Variants in EFR3A observed in about 807,000 individuals in gnomAD.
EFR3A encodes the protein protein EFR3 homolog A.
In EFR3A, 76 loss-of-function variants were observed where a neutral mutation model predicts 104.4. That is an observed-to-expected ratio of 0.73 (90% confidence interval 0.60 to 0.88). EFR3A has a LOEUF of 0.88. Among genes scored for constraint, EFR3A ranks in the 40% least tolerant of loss-of-function variants. The probability of loss-of-function intolerance (pLI) is 0.00; values close to 1 mark genes in which losing one functional copy is unlikely to be tolerated. For missense variants in EFR3A, 985 were observed against 1,012.5 expected (o/e 0.97, Z 0.37); for synonymous variants, 330 against 330.0 (o/e 1.00, Z 0.00).
At chr8:131,932,213 G>T (rs1387407114) in intron 1 of EFR3A, among the ~76,000 whole-genome samples, 3 of 151,860 alleles carry the variant, frequency 2.0e-5, no homozygotes, top group East Asian at 3.9e-4. Context: ...TTTTTTATGA[G>T]AATTTTTCTG....
chr8:131,936,358 ACCGAGC>A (rs1817881373), intron 1 of EFR3A, among the ~76,000 whole-genome samples: 1 of 152,106 alleles, frequency 6.6e-6, no homozygotes, highest in Non-Finnish European at 1.5e-5. Flanking sequence ...TTCCCCAAGC[ACCGAGC>A]TAGCAATTCC....
rs1432066748 is a variant in EFR3A at position 131,968,277 on chromosome 8, C to T, written c.856-18C>T. 2 of 1,610,122 alleles carry T rather than the reference C, an allele frequency of 1.2e-6. No individual in the cohort carries two copies. The highest frequency in any genetic ancestry group is 1.7e-6 in the Non-Finnish European group (2 of 1,177,820). ...CATGTACTTTTTATACATCTTTGTA[C>T]TGTTTTGTCTCCTTCAGGCTCAGTA... On this transcript the variant is annotated intron_variant, in intron 8 of 22. Coordinates refer to ENST00000254624, the MANE Select transcript of EFR3A (RefSeq NM_015137.6).
intron 1 of EFR3A, chr8:131,940,066 G>T (rs1818087356): frequency 1.8e-5 from 3 of 168,070 alleles, no homozygotes; most frequent in Admixed American, 1.7e-4. Flanking sequence ...ACTTGGGCAT[G>T]CCCCAGGCAG....
chr8:131,977,368 G>A (rs1338940161), intron 12 of EFR3A, among the ~76,000 whole-genome samples: 1 of 152,118 alleles, frequency 6.6e-6, no homozygotes, highest in African/African-American at 2.4e-5. Context: ...GAGACTGTGA[G>A]TGGAAGGAGT....
In EFR3A at chr8:131,930,800, A is replaced by G. The variant is rs919071331; in HGVS notation, c.11-9699A>G. Among the ~76,000 whole-genome samples, 53 of 151,986 alleles carry G rather than the reference A, an allele frequency of 3.5e-4. 1 individual carries two copies. Among genetic ancestry groups the G allele is most frequent in the Non-Finnish European group, 2.9e-5 (2 of 67,982 alleles). On this transcript the variant is annotated intron_variant, in intron 1 of 22. Coordinates refer to ENST00000254624, the MANE Select transcript of EFR3A (RefSeq NM_015137.6). ...TCCTGTGAAGTCTTTTCTGAATGTC[A>G]TAGCATTCATTATTTTTCTCACTCA...
intron 18 of EFR3A, among the ~76,000 whole-genome samples, chr8:131,993,465 A>G (rs1175367407): frequency 1.3e-5 from 2 of 152,188 alleles, no homozygotes; most frequent in African/African-American, 2.4e-5. Flanking sequence ...AGCATTAGTT[A>G]CAACCATGGA....
intron 1 of EFR3A, among the ~76,000 whole-genome samples, chr8:131,918,522 A>G (rs923138171): frequency 2.0e-5 from 3 of 152,200 alleles, no homozygotes; most frequent in African/African-American, 7.2e-5. Flanking sequence ...ATCCTGTGTT[A>G]TATGTTGCTA....
At chr8:131,919,138 CT>C (rs1240038662) in intron 1 of EFR3A, among the ~76,000 whole-genome samples, 3 of 151,420 alleles carry the variant, frequency 2.0e-5, no homozygotes, top group Admixed American at 6.6e-5. Context: ...CCAAACCTAT[CT>C]TTTTTCCCCC....
At chr8:132,001,058 A>C (rs904873857) in intron 19 of EFR3A, 1 of 152,218 alleles carries the variant, frequency 6.6e-6, no homozygotes, top group Admixed American at 6.5e-5. Flanking sequence ...AACTGGATAT[A>C]TTATTTATCC....
At position 131,904,131 on chromosome 8, in the gene EFR3A, G is replaced by A. The variant is rs1029224043; in HGVS notation, c.-182G>A. 3 of 626,094 alleles carry A rather than the reference G, an allele frequency of 4.8e-6. No individual in the cohort carries two copies. The highest frequency in any genetic ancestry group is 6.8e-6 in the Non-Finnish European group (3 of 439,476). 38.8% of individuals were successfully genotyped at this position (626,094 alleles called of 1,614,324 possible). On this transcript the variant is annotated 5_prime_UTR_variant, in exon 1 of 23. Transcript: ENST00000254624. ...CCCGGCGAGGAGTGGGCTGGCGGCG[G>A]TAGCTGTCGCCCGCTTGGTTGCGTG...
At chr8:131,966,968 G>A (rs1819774414) in intron 8 of EFR3A, among the ~76,000 whole-genome samples, 1 of 152,068 alleles carries the variant, frequency 6.6e-6, no homozygotes, top group Non-Finnish European at 1.5e-5. Context: ...GCTCTGGTTT[G>A]CTTAGTATAG....
intron 22 of EFR3A, among the ~76,000 whole-genome samples, chr8:132,007,303 G>GA (rs1252718515): frequency 1.3e-5 from 2 of 151,774 alleles, no homozygotes; most frequent in Non-Finnish European, 3.0e-5. Context: ...AAGGTCACAG[G>GA]ATTCAGGGTA....
chr8:131,968,206 T>G, intron 8 of EFR3A, 89 bp from the exon 9 acceptor site: 1 of 1,288,518 alleles, frequency 7.8e-7, no homozygotes. Context: ...AATTGGTCAT[T>G]TACGTGTCAG....
chr8:131,994,486 G>A (rs993552729), intron 18 of EFR3A, among the ~76,000 whole-genome samples: 1 of 152,138 alleles, frequency 6.6e-6, no homozygotes, highest in Admixed American at 6.5e-5. Context: ...ATAATTTAAT[G>A]TGTGCAGTGA....
chr8:131,951,881 A>C (rs1414265586), intron 5 of EFR3A, among the ~76,000 whole-genome samples: 1 of 152,150 alleles, frequency 6.6e-6, no homozygotes, highest in East Asian at 1.9e-4. Flanking sequence ...AACTTAAATA[A>C]AAGCCCTTTT....
intron 1 of EFR3A, among the ~76,000 whole-genome samples, chr8:131,926,243 A>C (rs1269121628): frequency 7.2e-5 from 11 of 152,202 alleles, no homozygotes; most frequent in Admixed American, 7.2e-4. Flanking sequence ...GTTTCAGAAT[A>C]TATTATGGTG....
At chr8:131,931,917 A>G (rs1466201522) in intron 1 of EFR3A, among the ~76,000 whole-genome samples, 1 of 151,998 alleles carries the variant, frequency 6.6e-6, no homozygotes, top group East Asian at 1.9e-4. Context: ...GCAGGAGAAT[A>G]AGTAGGATTA....
chr8:131,979,310 G>C (rs1042202682), intron 13 of EFR3A, 36 bp from the exon 14 acceptor site: 5 of 1,382,304 alleles, frequency 3.6e-6, no homozygotes, highest in Admixed American at 2.1e-5. Flanking sequence ...AAATAAGTGT[G>C]CTATTCATTA....
intron 8 of EFR3A, among the ~76,000 whole-genome samples, chr8:131,967,060 C>A (rs1349717110): frequency 1.3e-5 from 2 of 152,148 alleles, no homozygotes; most frequent in Admixed American, 1.3e-4. Flanking sequence ...GGCTACCTTA[C>A]CTATAAAGGC....
Sources: allele counts gnomAD v4.1 joint callset (sites outside exome capture counted in the v4.1 genomes callset), GRCh38; gene constraint gnomAD v4.1.1; transcripts MANE v1.5; gene names NCBI Gene and HGNC (gene_info 2026-07-23, HGNC 2026-07-21).